TNRC6B: variants seen among roughly 807,000 people sequenced by gnomAD.
TNRC6B encodes trinucleotide repeat containing adaptor 6B.
A neutral mutation model predicts 203.6 loss-of-function variants in TNRC6B; 52 were observed. That is an observed-to-expected ratio of 0.26 (90% CI 0.20 to 0.32). The LOEUF (loss-of-function observed/expected upper bound fraction) is 0.32, where lower values mean the gene tolerates loss of function less well. Ranked by LOEUF, TNRC6B falls within the 10% of genes least tolerant of loss-of-function variation. The pLI, the probability that TNRC6B is intolerant of heterozygous loss-of-function variation, is 1.00. For synonymous variants in TNRC6B, 838 were observed against 845.7 expected, an observed-to-expected ratio of 0.99 and a Z score of 0.16; for missense variants, 1,923 against 2,286.2, an observed-to-expected ratio of 0.84 and a Z score of 3.24.
Position 40,325,741 on chromosome 22 carries a change from G to A in TNRC6B, c.*2500G>A, listed in dbSNP as rs957366932. 1 of 152,600 alleles carries A rather than the reference G, an allele frequency of 6.6e-6. No homozygotes were observed. Among genetic ancestry groups the A allele is most frequent in the Non-Finnish European group, 1.5e-5 (1 of 68,052 alleles). The allele number at this position is 152,600 out of a possible 1,614,324, so 9.5% of individuals were successfully genotyped here. A position where few individuals can be genotyped will look rare whatever the true frequency, so the allele number is the denominator to read the frequency against. ...GAGAAGGTTAAATCTTAGTGTCCCT[G>A]GGCCAGGAGCATATCCCAAGGCTCC... On this transcript the variant is annotated 3_prime_UTR_variant, in exon 23 of 23. Coordinates refer to ENST00000454349, the MANE Select transcript of TNRC6B (RefSeq NM_001162501.2).
intron 1 of TNRC6B, among the ~76,000 whole-genome samples, chr22:40,071,557 T>G (rs981909994): frequency 2.6e-5 from 4 of 152,226 alleles, no homozygotes; most frequent in African/African-American, 9.6e-5. Flanking sequence ...AACATGAAAC[T>G]CCAAATGGTA....
At chr22:40,150,563 T>TA (rs1347750682) in intron 3 of TNRC6B, among the ~76,000 whole-genome samples, 1 of 152,170 alleles carries the variant, frequency 6.6e-6, no homozygotes, top group East Asian at 1.9e-4. Flanking sequence ...AGGCCCCAGA[T>TA]ACGCTTTCCT....
chr22:40,061,144 G>C (rs1418086408), intron 1 of TNRC6B, among the ~76,000 whole-genome samples: 1 of 152,108 alleles, frequency 6.6e-6, no homozygotes, highest in Non-Finnish European at 1.5e-5. Flanking sequence ...TTGTTTTATG[G>C]TACAGAATAT....
intron 21 of TNRC6B, among the ~76,000 whole-genome samples, chr22:40,319,046 G>C (rs1055345104): frequency 6.6e-6 from 1 of 152,164 alleles, no homozygotes; most frequent in Non-Finnish European, 1.5e-5. Context: ...ACTCCAGCCT[G>C]GGTAACAGAG....
chr22:40,047,563 A>C (rs904046003), intron 1 of TNRC6B, among the ~76,000 whole-genome samples: 16 of 152,246 alleles, frequency 1.1e-4, no homozygotes, highest in Non-Finnish European at 1.6e-4. Flanking sequence ...AGATTGTGCC[A>C]TTGCACTCCA....
intron 21 of TNRC6B, among the ~76,000 whole-genome samples, chr22:40,316,567 T>C (rs2071262194): frequency 1.3e-5 from 2 of 152,108 alleles, no homozygotes; most frequent in Middle Eastern, 3.2e-3. Context: ...GGAGGATCAC[T>C]TGAGCCCAGA....
At position 40,323,276 on chromosome 22, in the gene TNRC6B, T is replaced by C. The variant is rs1333187265; in HGVS notation, c.*35T>C. 2 of 1,583,070 alleles carry C rather than the reference T, an allele frequency of 1.3e-6. No individual in the cohort carries two copies. Among genetic ancestry groups the C allele is most frequent in the South Asian group, 2.3e-5 (2 of 87,686 alleles). ...TTTCAACTCTGACCTCGTGACCTTT[T>C]TTGGAACAGCAGCAGCACTAACTTG... On this transcript the variant is annotated 3_prime_UTR_variant, in exon 23 of 23. Coordinates refer to ENST00000454349, the MANE Select transcript of TNRC6B (RefSeq NM_001162501.2).
chr22:40,293,672 T>C (rs2070899264), intron 12 of TNRC6B, among the ~76,000 whole-genome samples: 1 of 152,024 alleles, frequency 6.6e-6, no homozygotes, highest in South Asian at 2.1e-4. Flanking sequence ...CCTGTTACTG[T>C]GTCTCCCATG....
At chr22:40,308,365 AAGCTTGGAATCAAAAAT>A in intron 15 of TNRC6B, 130 bp from the exon 16 acceptor site, 1 of 919,518 alleles carries the variant, frequency 1.1e-6, no homozygotes, top group Non-Finnish European at 1.7e-6. Context: ...GCCAAGATCA[AAGCTTGGAATCAAAAAT>A]ACCTGTTTCT....
At chr22:40,214,166 C>G (rs2069601854) in intron 1 of TNRC6B, among the ~76,000 whole-genome samples, 1 of 152,062 alleles carries the variant, frequency 6.6e-6, no homozygotes, top group African/African-American at 2.4e-5. Context: ...ACTCGGGAGG[C>G]TGAGGCAGGA....
intron 7 of TNRC6B, among the ~76,000 whole-genome samples, chr22:40,276,679 A>G (rs540893792): frequency 2.5e-4 from 38 of 152,314 alleles, no homozygotes; most frequent in African/African-American, 9.1e-4. Flanking sequence ...TCCTTTCCAA[A>G]TGACACGCAC....
chr22:40,271,767 C>G lies in TNRC6B; in HGVS notation c.2965+1487C>G, dbSNP rs115814770. Among the ~76,000 whole-genome samples, 470 of 152,318 alleles carry G rather than the reference C, an allele frequency of 3.1e-3. 2 individuals are homozygous for G. Among genetic ancestry groups the G allele is most frequent in the African/African-American group, 0.011 (454 of 41,578 alleles). On this transcript the variant is annotated intron_variant, in intron 6 of 22. Coordinates refer to ENST00000454349, the MANE Select transcript of TNRC6B (RefSeq NM_001162501.2). ...CCTCAGATTCTAAAAATGTCTTCTA[C>G]TCTTCAGGATCATCTGTAGTTATAG...
intron 21 of TNRC6B, among the ~76,000 whole-genome samples, chr22:40,318,803 C>T (rs1487366994): frequency 6.6e-6 from 1 of 152,160 alleles, no homozygotes; most frequent in Non-Finnish European, 1.5e-5. Context: ...GATGTGGTGG[C>T]TCATGCCTGT....
At chr22:40,282,052 T>C (rs938546371) in intron 11 of TNRC6B, among the ~76,000 whole-genome samples, 2 of 152,236 alleles carry the variant, frequency 1.3e-5, no homozygotes, top group African/African-American at 4.8e-5. Flanking sequence ...TTTGCAACAA[T>C]AACCCCAGCA....
At chr22:40,288,056 C>G (rs6001864) in intron 12 of TNRC6B, among the ~76,000 whole-genome samples, 48,302 of 152,132 alleles carry the variant, frequency 0.32, 8,445 homozygotes, top group South Asian at 0.47. Flanking sequence ...AAGGCAGTTA[C>G]TCTGAATAAT....
intron 1 of TNRC6B, among the ~76,000 whole-genome samples, chr22:40,081,809 C>T (rs116894924): frequency 0.017 from 2,647 of 152,214 alleles, 33 homozygotes; most frequent in Non-Finnish European, 0.03. Flanking sequence ...ATAAGACTTT[C>T]TCTTGTTTAT....
At chr22:40,279,693 C>T (rs985047535) in intron 9 of TNRC6B, among the ~76,000 whole-genome samples, 5 of 152,162 alleles carry the variant, frequency 3.3e-5, no homozygotes, top group African/African-American at 9.7e-5. Flanking sequence ...GTTTTCTTAG[C>T]GAGATTTTTG....
chr22:40,287,757 G>A (rs188349597), intron 12 of TNRC6B, among the ~76,000 whole-genome samples: 4 of 152,306 alleles, frequency 2.6e-5, no homozygotes, highest in Non-Finnish European at 1.5e-5. Flanking sequence ...GTGCACAGAT[G>A]GAGAAAATGC....
At chr22:40,284,872 T>C (rs1004197104) in intron 11 of TNRC6B, among the ~76,000 whole-genome samples, 4 of 152,182 alleles carry the variant, frequency 2.6e-5, no homozygotes, top group Non-Finnish European at 5.9e-5. Context: ...GAAGGACTTT[T>C]CTCAGCTAGA....
Sources: gnomAD v4.1 joint callset for allele counts (sites outside exome capture counted in the v4.1 genomes callset) on GRCh38, gnomAD v4.1.1 for gene constraint, MANE v1.5 for transcripts, NCBI Gene and HGNC (gene_info 2026-07-23, HGNC 2026-07-21) for gene names.